Variants in IDE observed in about 807,000 individuals in gnomAD.
IDE encodes insulin-degrading enzyme.
Under a neutral mutation model 133.2 loss-of-function variants are expected in IDE, and 58 were observed. The ratio of observed to expected loss-of-function variants is 0.44; its 90% CI spans 0.35 to 0.54. The LOEUF is 0.54. Among genes scored for constraint, IDE ranks in the 20% least tolerant of loss-of-function variants. The probability of loss-of-function intolerance (pLI) is 0.00; values close to 1 mark genes in which losing one functional copy is unlikely to be tolerated. For synonymous variants in IDE, 396 were observed against 421.3 expected (o/e 0.94, Z 0.73); for missense variants, 981 against 1,234.0 (o/e 0.79, Z 3.07).
intron 1 of IDE, among the ~76,000 whole-genome samples, chr10:92,564,005 C>A (rs564412563): frequency 6.6e-6 from 1 of 152,246 alleles, no homozygotes; most frequent in African/African-American, 2.4e-5. Context: ...CCATTCAGGT[C>A]ATCTCTCTCA....
intron 5 of IDE, 73 bp from the exon 6 acceptor site, chr10:92,510,235 A>C: frequency 1.3e-6 from 1 of 746,630 alleles, no homozygotes; most frequent in South Asian, 1.7e-5. Context: ...TTAAAATCTT[A>C]GGATCTCCTG....
At chr10:92,533,858 T>C (rs1850077707) in intron 3 of IDE, among the ~76,000 whole-genome samples, 1 of 151,898 alleles carries the variant, frequency 6.6e-6, no homozygotes, top group Non-Finnish European at 1.5e-5. Flanking sequence ...ACCCCATCTC[T>C]ACTAAAAATA....
chr10:92,549,274 T>G (rs1478987421), intron 1 of IDE, among the ~76,000 whole-genome samples: 1 of 152,010 alleles, frequency 6.6e-6, no homozygotes, highest in East Asian at 1.9e-4. Context: ...AAAAAGATTT[T>G]GGCACAAAAT....
At chr10:92,537,770 T>C (rs1842089654) in intron 1 of IDE, among the ~76,000 whole-genome samples, 2 of 152,212 alleles carry the variant, frequency 1.3e-5, no homozygotes, top group Admixed American at 6.5e-5. Context: ...GCCATATTTG[T>C]ATCTGAAAGA....
intron 14 of IDE, among the ~76,000 whole-genome samples, chr10:92,482,443 T>C (rs1846669799): frequency 6.6e-6 from 1 of 152,194 alleles, no homozygotes; most frequent in South Asian, 2.1e-4. Context: ...TTATTAGTAA[T>C]GTTTAAGTAA....
intron 1 of IDE, among the ~76,000 whole-genome samples, chr10:92,540,791 A>T (rs1842263707): frequency 6.6e-6 from 1 of 152,212 alleles, no homozygotes; most frequent in African/African-American, 2.4e-5. Context: ...CTATATAAAG[A>T]TAACCACCTC....
intron 1 of IDE, among the ~76,000 whole-genome samples, chr10:92,547,022 A>C (rs1564669030): frequency 6.6e-6 from 1 of 152,218 alleles, no homozygotes. Context: ...AACCTCCCAC[A>C]GATGCTTCAT....
Position 92,474,998 on chromosome 10 carries a change from T to A in IDE, c.1996-37A>T, listed in dbSNP as rs12245118. ...GACATGCGTTCATTAATTTTATAAA[T>A]CTTTTAAAAATCATTTCAAAAGTCC... is the stretch of plus-strand genomic sequence containing the variant. On this transcript the variant is annotated intron_variant, in intron 16 of 24. Coordinates refer to ENST00000265986, the MANE Select transcript of IDE (RefSeq NM_004969.4). 0.012 allele frequency: 18,280 copies of A among 1,546,716 alleles called. 1,903 individuals are homozygous for A. In the African/African-American group the frequency reaches 0.22, roughly 19 times the overall value.
In IDE at chr10:92,540,268, T is replaced by A. The variant is rs369473822; in HGVS notation, c.99-2718A>T. On this transcript the variant is annotated intron_variant, in intron 1 of 24. Coordinates refer to ENST00000265986, the MANE Select transcript of IDE (RefSeq NM_004969.4). ...TCAAAAGAAAAAAAAAAAAAACAGT[T>A]CTGGTTAAGACATTTGGCAAAGGAC... 4.0e-5 allele frequency among the ~76,000 whole-genome samples: 6 copies of A among 151,700 alleles called. No individual in the cohort carries two copies. In the East Asian group the frequency reaches 9.7e-4, roughly 24 times the overall value.
rs1564583250 is a variant in IDE at position 92,453,744 on chromosome 10, A to T, written c.*700T>A. The stretch of plus-strand genomic sequence containing the variant: ...AGAAGTAGGTCAATATAATTCAATC[A>T]GAATGAAAGAAACCACAGTAATCCT... On this transcript the variant is annotated 3_prime_UTR_variant, in exon 25 of 25. Coordinates refer to ENST00000265986, the MANE Select transcript of IDE (RefSeq NM_004969.4). 1 of 152,258 alleles carries T rather than the reference A, an allele frequency of 6.6e-6. No homozygotes were observed. Among genetic ancestry groups the T allele is most frequent in the South Asian group, 2.1e-4 (1 of 4,834 alleles). 9.4% of individuals were successfully genotyped at this position (152,258 alleles called of 1,614,324 possible). A position where few individuals can be genotyped will look rare whatever the true frequency, so the allele number is the denominator to read the frequency against.
chr10:92,506,379 A>G, intron 10 of IDE, 63 bp downstream of exon 10: 1 of 749,394 alleles, frequency 1.3e-6, no homozygotes, highest in South Asian at 2.0e-5. Context: ...TACTGAAAAT[A>G]TATGCAAGAT....
In IDE at chr10:92,507,566, C is replaced by T. The variant is rs777998863; in HGVS notation, c.1245+9G>A. ...TTCCTTAAGAAAAATTTTGGTGAAA[C>T]AAAAGTACCTTGCACTCTTGGAAAA... On this transcript the variant is annotated intron_variant, in intron 9 of 24. Coordinates refer to ENST00000265986, the MANE Select transcript of IDE (RefSeq NM_004969.4). The T allele has an allele frequency of 6.5e-7, 1 of 1,529,050 alleles. No homozygotes were observed. Among genetic ancestry groups the T allele is most frequent in the South Asian group, 1.1e-5 (1 of 89,226 alleles). 94.7% of individuals were successfully genotyped at this position (1,529,050 alleles called of 1,614,324 possible).
chr10:92,515,907 C>T (rs1430457626), intron 4 of IDE, among the ~76,000 whole-genome samples: 3 of 148,772 alleles, frequency 2.0e-5, no homozygotes, highest in Non-Finnish European at 3.0e-5. Flanking sequence ...GCATGGCTCA[C>T]GCCTATAATC....
intron 2 of IDE, among the ~76,000 whole-genome samples, chr10:92,536,255 C>T (rs1841995585): frequency 2.0e-5 from 3 of 150,814 alleles, no homozygotes; most frequent in Admixed American, 6.6e-5. Flanking sequence ...TGATGGTGGA[C>T]GCCTGTAATC....
intron 13 of IDE, among the ~76,000 whole-genome samples, chr10:92,484,789 G>A (rs954010062): frequency 1.1e-4 from 17 of 152,170 alleles, no homozygotes; most frequent in South Asian, 8.3e-4. Flanking sequence ...CAGGCATGAT[G>A]GTTCATGCCT....
chr10:92,508,256 T>C, intron 7 of IDE, 51 bp from the exon 8 acceptor site: 2 of 1,417,234 alleles, frequency 1.4e-6, no homozygotes, highest in Non-Finnish European at 2.0e-6. Flanking sequence ...GTGGCTTCCT[T>C]GAAGATAAGA....
At chr10:92,540,917 A>G (rs2135717191) in intron 1 of IDE, among the ~76,000 whole-genome samples, 1 of 152,332 alleles carries the variant, frequency 6.6e-6, no homozygotes, top group East Asian at 1.9e-4. Flanking sequence ...ATGTAGGTAG[A>G]CAGAACAGTT....
chr10:92,507,566 CA>C lies in IDE; in HGVS notation c.1245+8del, dbSNP rs1435799407. On this transcript the variant is annotated splice_region_variant and intron_variant, in intron 9 of 24. Transcript: ENST00000265986. ...TTCCTTAAGAAAAATTTTGGTGAAACAAAAGTACCTTGCACTCTTGGAAAAC... is the reference window on the plus strand; with the variant it reads ...TTCCTTAAGAAAAATTTTGGTGAAACAAAGTACCTTGCACTCTTGGAAAAC... 2 of 1,528,930 alleles carry C rather than the reference CA, an allele frequency of 1.3e-6. No individual in the cohort carries two copies. Among genetic ancestry groups the C allele is most frequent in the Non-Finnish European group, 1.8e-6 (2 of 1,102,966 alleles). The allele number at this position is 1,528,930 out of a possible 1,614,324, so 94.7% of individuals were successfully genotyped here. A position where few individuals can be genotyped will look rare whatever the true frequency, so the allele number is the denominator to read the frequency against.
rs377359356 is a variant in IDE at position 92,565,321 on chromosome 10, A to G, written c.98+8601T>C. Among the ~76,000 whole-genome samples the G allele has an allele frequency of 3.3e-5, 5 of 151,076 alleles. No individual in the cohort carries two copies. The East Asian group carries it at 5.8e-4, about 18-fold the overall frequency. On this transcript the variant is annotated intron_variant, in intron 1 of 24. Transcript: ENST00000265986. ...GTAATTGCAGCTACTCAGGAGGCTA[A>G]GGAATGAGAATTGCTTGAACTCAGG...
Sources: allele counts gnomAD v4.1 joint callset (sites outside exome capture counted in the v4.1 genomes callset), GRCh38; gene constraint gnomAD v4.1.1; transcripts MANE v1.5; gene names NCBI Gene and HGNC (gene_info 2026-07-23, HGNC 2026-07-21).